MEIS2: variants seen among roughly 807,000 people sequenced by gnomAD.
The protein encoded by MEIS2 is Meis homeobox 2, also known as homeobox protein Meis2.
MEIS2 carries 9 observed loss-of-function variants against 58.6 expected under a neutral mutation model. The observed-to-expected ratio is 0.15, with a 90% CI of 0.09 to 0.27. MEIS2 has a LOEUF of 0.27. Ranked by LOEUF, MEIS2 falls within the 10% of genes least tolerant of loss-of-function variation. The probability of loss-of-function intolerance (pLI) is 1.00; values close to 1 mark genes in which losing one functional copy is unlikely to be tolerated. For missense variants in MEIS2, 427 were observed against 635.0 expected (o/e 0.67, Z 3.52); for synonymous variants, 221 against 228.4 (o/e 0.97, Z 0.29).
chr15:36,985,300 G>A (rs891293081), intron 8 of MEIS2, among the ~76,000 whole-genome samples: 13 of 152,088 alleles, frequency 8.5e-5, no homozygotes, highest in Non-Finnish European at 1.5e-4. Context: ...GATCAGTTCT[G>A]TTCTTGACTG....
intron 8 of MEIS2, among the ~76,000 whole-genome samples, chr15:37,008,578 G>A (rs2061006596): frequency 6.6e-6 from 1 of 152,126 alleles, no homozygotes; most frequent in Non-Finnish European, 1.5e-5. Flanking sequence ...AGTTGAGTGG[G>A]ATCTTTAGAT....
chr15:36,919,408 GTC>G (rs1210346127), intron 9 of MEIS2, among the ~76,000 whole-genome samples: 2 of 151,868 alleles, frequency 1.3e-5, no homozygotes, highest in East Asian at 3.9e-4. Context: ...GAGAAACCCT[GTC>G]TCTACCAAAA....
chr15:37,083,676 C>T (rs566495240), intron 7 of MEIS2, 95 bp downstream of exon 7: 129 of 929,224 alleles, frequency 1.4e-4, no homozygotes, highest in Non-Finnish European at 2.0e-4. Flanking sequence ...CTGCCACTCT[C>T]CTGTTTACAT....
chr15:36,909,376 A>G (rs1033340234), intron 9 of MEIS2, among the ~76,000 whole-genome samples: 11 of 152,164 alleles, frequency 7.2e-5, no homozygotes, highest in Non-Finnish European at 1.6e-4. Flanking sequence ...TACACCCTCA[A>G]TAAAATGTTT....
intron 6 of MEIS2, among the ~76,000 whole-genome samples, chr15:37,090,673 G>A (rs1321182573): frequency 1.3e-5 from 2 of 151,296 alleles, no homozygotes; most frequent in African/African-American, 2.4e-5. Flanking sequence ...GCACACACAC[G>A]AGTATGCACA....
intron 9 of MEIS2, among the ~76,000 whole-genome samples, chr15:36,930,687 TA>T (rs1263295292): frequency 2.0e-5 from 3 of 152,128 alleles, no homozygotes; most frequent in Non-Finnish European, 4.4e-5. Flanking sequence ...TTTGCCAAAA[TA>T]CCAAGGTTGT....
intron 8 of MEIS2, among the ~76,000 whole-genome samples, chr15:36,980,838 T>C (rs1330916825): frequency 6.6e-6 from 1 of 152,184 alleles, no homozygotes; most frequent in East Asian, 1.9e-4. Context: ...ATACTGTCTC[T>C]TCTGTTCCAC....
chr15:36,890,098 T>C lies in MEIS2; in HGVS notation c.*2075A>G, dbSNP rs937114829. 8 of 152,334 alleles carry C rather than the reference T, an allele frequency of 5.3e-5. No homozygotes were observed. The highest frequency in any genetic ancestry group is 3.4e-3 in the Middle Eastern group (1 of 294). The allele number at this position is 152,334 out of a possible 1,614,324, so 9.4% of individuals were successfully genotyped here. A position where few individuals can be genotyped will look rare whatever the true frequency, so the allele number is the denominator to read the frequency against. On this transcript the variant is annotated 3_prime_UTR_variant, in exon 12 of 12. Coordinates refer to ENST00000561208, the MANE Select transcript of MEIS2 (RefSeq NM_170675.5). ...AGAGCCCCAAATAATAACTATGGAT[T>C]TCTTCCAAGTTTAAGTTTGCAGAGA...
At chr15:37,009,447 C>T (rs745974039) in intron 8 of MEIS2, among the ~76,000 whole-genome samples, 1 of 152,158 alleles carries the variant, frequency 6.6e-6, no homozygotes, top group Admixed American at 6.5e-5. Flanking sequence ...AGAGTGCAAA[C>T]ATTTGTCCTG....
At chr15:36,976,730 T>C (rs78899049) in intron 8 of MEIS2, among the ~76,000 whole-genome samples, 2,934 of 152,214 alleles carry the variant, frequency 0.019, 90 homozygotes, top group African/African-American at 0.066. Flanking sequence ...TTTTCTAATA[T>C]GATCAATGGA....
At chr15:37,026,304 T>C (rs2061703443) in intron 8 of MEIS2, among the ~76,000 whole-genome samples, 1 of 152,202 alleles carries the variant, frequency 6.6e-6, no homozygotes, top group African/African-American at 2.4e-5. Context: ...GGGTTGTTTT[T>C]TGTCAGCGTA....
chr15:36,902,827 C>A (rs1287535696), intron 9 of MEIS2, among the ~76,000 whole-genome samples: 1 of 152,186 alleles, frequency 6.6e-6, no homozygotes, highest in Non-Finnish European at 1.5e-5. Flanking sequence ...ATTTATTGTA[C>A]TCCATCTGTA....
intron 8 of MEIS2, among the ~76,000 whole-genome samples, chr15:37,035,224 T>G (rs992436153): frequency 1.3e-5 from 2 of 151,950 alleles, no homozygotes; most frequent in African/African-American, 4.8e-5. Flanking sequence ...GAGAAACCCC[T>G]CCCCTCACAG....
intron 9 of MEIS2, among the ~76,000 whole-genome samples, chr15:36,906,651 GAAAAAAA>G (rs56715244): frequency 1.0e-5 from 1 of 96,552 alleles, no homozygotes; most frequent in African/African-American, 4.0e-5. Flanking sequence ...AGCCACTCAA[GAAAAAAA>G]AAAAAAAAAA....
chr15:36,919,503 G>A (rs570804595), intron 9 of MEIS2, among the ~76,000 whole-genome samples: 4 of 151,728 alleles, frequency 2.6e-5, no homozygotes, highest in Non-Finnish European at 5.9e-5. Flanking sequence ...TGTTGAACCC[G>A]GGAGGCAGAA....
intron 7 of MEIS2, among the ~76,000 whole-genome samples, chr15:37,037,990 A>G (rs1279355892): frequency 6.6e-6 from 1 of 152,228 alleles, no homozygotes; most frequent in Non-Finnish European, 1.5e-5. Context: ...TTTTCCTTGC[A>G]CATCATTAGC....
intron 7 of MEIS2, among the ~76,000 whole-genome samples, chr15:37,061,444 C>T (rs1199182912): frequency 6.6e-6 from 1 of 152,180 alleles, no homozygotes; most frequent in African/African-American, 2.4e-5. Context: ...ACAATGACTG[C>T]ACTCGTATTT....
chr15:36,935,602 C>G (rs1398513316), intron 9 of MEIS2, among the ~76,000 whole-genome samples: 1 of 152,082 alleles, frequency 6.6e-6, no homozygotes, highest in Non-Finnish European at 1.5e-5. Flanking sequence ...AGAAGCTCAT[C>G]ATATGATCAT....
chr15:36,989,932 TTTTG>T (rs752139582), intron 8 of MEIS2, among the ~76,000 whole-genome samples: 28 of 151,890 alleles, frequency 1.8e-4, no homozygotes, highest in South Asian at 4.2e-4. Context: ...TTGGAAGCAG[TTTTG>T]TTTGTTTGTT....
Sources: allele counts gnomAD v4.1 joint callset (sites outside exome capture counted in the v4.1 genomes callset), GRCh38; gene constraint gnomAD v4.1.1; transcripts MANE v1.5; gene names NCBI Gene and HGNC (gene_info 2026-07-23, HGNC 2026-07-21).